The following BRD4 variants were observed in gnomAD, a reference collection of about 807,000 sequenced individuals.
BRD4 encodes bromodomain-containing protein 4.
In BRD4, 16 loss-of-function variants were observed where a neutral mutation model predicts 142.1. That is an observed-to-expected ratio of 0.11 (90% confidence interval 0.08 to 0.17). BRD4 has a LOEUF of 0.17. BRD4 is among the 10% of genes least tolerant of loss of function. The probability of loss-of-function intolerance (pLI) is 1.00; values close to 1 mark genes in which losing one functional copy is unlikely to be tolerated. For synonymous variants in BRD4, 833 were observed against 707.5 expected, an observed-to-expected ratio of 1.18 and a Z score of -2.82; for missense variants, 1,424 against 1,810.9, an observed-to-expected ratio of 0.79 and a Z score of 3.88.
chr19:15,307,296 T>TC (rs2047922678), intron 1 of BRD4, among the ~76,000 whole-genome samples: 1 of 152,134 alleles, frequency 6.6e-6, no homozygotes, highest in Non-Finnish European at 1.5e-5. Context: ...TGCTTGACCC[T>TC]CATCAGTAAC....
intron 7 of BRD4, among the ~76,000 whole-genome samples, chr19:15,261,352 G>A (rs1191556234): frequency 6.6e-6 from 1 of 152,040 alleles, no homozygotes; most frequent in Non-Finnish European, 1.5e-5. Flanking sequence ...GCGTGGTGGC[G>A]TGCGCCTGTA....
chr19:15,282,463 C>A (rs988291170), intron 1 of BRD4, among the ~76,000 whole-genome samples: 2 of 152,174 alleles, frequency 1.3e-5, no homozygotes, highest in Non-Finnish European at 2.9e-5. Flanking sequence ...ACCAACCACT[C>A]GGCCACACAT....
intron 1 of BRD4, among the ~76,000 whole-genome samples, chr19:15,295,687 G>A (rs934584322): frequency 1.3e-5 from 2 of 152,214 alleles, no homozygotes; most frequent in African/African-American, 4.8e-5. Context: ...TGCCTTTGTG[G>A]GGGCTGCGTG....
chr19:15,254,366 G>A, intron 10 of BRD4, 104 bp from the exon 11 acceptor site: 1 of 997,806 alleles, frequency 1.0e-6, no homozygotes, highest in South Asian at 1.4e-5. Context: ...CCAGTGAGGA[G>A]CCTGTGCACG....
chr19:15,267,402 T>A lies in BRD4; in HGVS notation c.559+14A>T, dbSNP rs755476076. ...GGGGAGAAAGCCAATTTACTTGCTA[T>A]TTCAGTACTCTACCTGTTTCTTTCC... On this transcript the variant is annotated intron_variant, in intron 4 of 19. Transcript: ENST00000679869. The A allele has an allele frequency of 1.6e-5, 25 of 1,612,366 alleles. No homozygotes were observed. The highest frequency in any genetic ancestry group is 2.0e-5 in the Non-Finnish European group (23 of 1,179,464).
intron 13 of BRD4, 129 bp downstream of exon 13, chr19:15,244,102 A>C: frequency 6.7e-7 from 1 of 1,501,372 alleles, no homozygotes; most frequent in Non-Finnish European, 8.9e-7. Context: ...TCGAGAAGCC[A>C]CAGATCTTCC....
intron 6 of BRD4, 153 bp downstream of exon 6, chr19:15,264,251 G>A (rs2047505922): frequency 3.9e-6 from 4 of 1,023,344 alleles, no homozygotes. Context: ...CAGACAGCAG[G>A]GGGCGCTGAG....
intron 1 of BRD4, among the ~76,000 whole-genome samples, chr19:15,289,534 A>AGAGC: frequency 6.6e-6 from 1 of 152,256 alleles, no homozygotes; most frequent in South Asian, 2.1e-4. Flanking sequence ...CTGGGCAACA[A>AGAGC]GAGCGAAACT....
chr19:15,238,224 G>A lies in BRD4; in HGVS notation c.*153C>T. 1.6e-6 allele frequency: 2 copies of A among 1,263,526 alleles called. No homozygotes were observed. Among genetic ancestry groups the A allele is most frequent in the Admixed American group, 2.7e-5 (1 of 37,156 alleles). The allele number at this position is 1,263,526 out of a possible 1,614,324, so 78.3% of individuals were successfully genotyped here. Reference sequence around the variant, plus strand: ...AGGCAGACAGGCTCTGCAATCCTCAGCTGCCCGTCAGGCCTGCCCCGGGCA... The same window carrying A: ...AGGCAGACAGGCTCTGCAATCCTCAACTGCCCGTCAGGCCTGCCCCGGGCA... On this transcript the variant is annotated 3_prime_UTR_variant, in exon 20 of 20. Coordinates refer to ENST00000679869, the MANE Select transcript of BRD4 (RefSeq NM_001379291.1). The surrounding 1 kb of genome is among the most constrained non-coding windows in gnomAD (Gnocchi z 7.2).
At chr19:15,307,312 G>C (rs925657892) in intron 1 of BRD4, among the ~76,000 whole-genome samples, 5 of 152,188 alleles carry the variant, frequency 3.3e-5, no homozygotes, top group African/African-American at 4.8e-5. Context: ...GTAACAAGCA[G>C]AGCTAACTCT....
At chr19:15,289,681 A>G (rs1325981821) in intron 1 of BRD4, among the ~76,000 whole-genome samples, 1 of 152,038 alleles carries the variant, frequency 6.6e-6, no homozygotes, top group African/African-American at 2.4e-5. Context: ...AAAAAAGAAA[A>G]AAAAAAGCCA....
intron 1 of BRD4, among the ~76,000 whole-genome samples, chr19:15,319,500 G>C (rs774845481): frequency 3.2e-4 from 48 of 152,156 alleles, no homozygotes; most frequent in Non-Finnish European, 6.0e-4. Context: ...TGTAGTTGCA[G>C]CTACTCAGCA....
intron 1 of BRD4, among the ~76,000 whole-genome samples, chr19:15,299,890 ACTG>A (rs2047853373): frequency 6.6e-6 from 1 of 152,172 alleles, no homozygotes; most frequent in Admixed American, 6.5e-5. Flanking sequence ...GCTCCACAGA[ACTG>A]CTGTTCTACA....
chr19:15,258,451 T>TA (rs1472729959), intron 7 of BRD4, among the ~76,000 whole-genome samples: 3 of 152,014 alleles, frequency 2.0e-5, no homozygotes, highest in Admixed American at 6.6e-5. Context: ...GCCCAACTAA[T>TA]TTTTGTATTT....
chr19:15,245,056 C>A, intron 11 of BRD4: 1 of 513,726 alleles, frequency 1.9e-6, no homozygotes, highest in Non-Finnish European at 3.5e-6. Context: ...GCTTGCCCAA[C>A]GCCTCCCACT....
intron 11 of BRD4, 37 bp from the exon 12 acceptor site, chr19:15,244,799 GAGA>G (rs751358484): frequency 6.8e-6 from 11 of 1,613,898 alleles, no homozygotes; most frequent in Non-Finnish European, 9.3e-6. Flanking sequence ...GGCTCTGGGG[GAGA>G]AGGTGAGTGA....
At chr19:15,332,151 TCCCCGC>T (rs1484782456) in intron 1 of BRD4, 133 bp downstream of exon 1, 1 of 141,458 alleles carries the variant, frequency 7.1e-6, no homozygotes, top group Non-Finnish European at 1.6e-5. Context: ...AGCCCCGGCC[TCCCCGC>T]CCCCGCGCCG....
intron 9 of BRD4, 44 bp from the exon 10 acceptor site, chr19:15,255,636 A>AG: frequency 6.5e-7 from 1 of 1,549,688 alleles, no homozygotes; most frequent in Non-Finnish European, 8.7e-7. Flanking sequence ...GGGCCCCCTG[A>AG]GGAAGCCAGG....
chr19:15,249,913 T>C (rs570065505), intron 11 of BRD4, among the ~76,000 whole-genome samples: 8 of 152,256 alleles, frequency 5.3e-5, no homozygotes, highest in African/African-American at 1.9e-4. Context: ...ACCTATTATA[T>C]ACACTGTTGA....
Sources: gnomAD v4.1 joint callset for allele counts (sites outside exome capture counted in the v4.1 genomes callset) on GRCh38, gnomAD v4.1.1 for gene constraint, Gnocchi (gnomAD v3.1) non-coding constraint, MANE v1.5 for transcripts, NCBI Gene and HGNC (gene_info 2026-07-23, HGNC 2026-07-21) for gene names.